TTC21A: variants seen among roughly 807,000 people sequenced by gnomAD.
TTC21A encodes tetratricopeptide repeat domain 21A, also known as tetratricopeptide repeat protein 21A.
A neutral mutation model predicts 156.4 loss-of-function variants in TTC21A; 128 were observed. That is an observed-to-expected ratio of 0.82 (90% CI 0.71 to 0.95). The LOEUF is 0.95. TTC21A is among the 40% of genes least tolerant of loss of function. The pLI is 0.00. For synonymous variants in TTC21A, 587 were observed against 617.1 expected, an observed-to-expected ratio of 0.95 and a Z score of 0.72; for missense variants, 1,435 against 1,602.3, an observed-to-expected ratio of 0.90 and a Z score of 1.78.
Position 39,126,599 on chromosome 3 carries a change from CACAT to C in TTC21A, c.1522+210_1522+213del, listed in dbSNP as rs1306711709. Reference sequence around the variant, plus strand: ...CTGGGGTACTACACACACACACACACACATGCATGCTCCTTGCCTGGTGTACTAC... The same window carrying C: ...CTGGGGTACTACACACACACACACACGCATGCTCCTTGCCTGGTGTACTAC... On this transcript the variant is annotated intron_variant, in intron 12 of 28. Transcript: ENST00000683103. Among the ~76,000 whole-genome samples the C allele has an allele frequency of 1.6e-3, 229 of 147,328 alleles. 2 individuals are homozygous for C. The highest frequency in any genetic ancestry group is 4.2e-3 in the African/African-American group (166 of 39,600).
intron 6 of TTC21A, among the ~76,000 whole-genome samples, chr3:39,117,551 T>C (rs970255385): frequency 1.3e-5 from 2 of 152,206 alleles, no homozygotes; most frequent in African/African-American, 4.8e-5. Flanking sequence ...TCTGGCACCA[T>C]GGTCATGTCT....
In TTC21A at chr3:39,137,570, C is replaced by T. The variant is rs368677545; in HGVS notation, c.3535C>T (p.Arg1179Cys). 47 of 1,614,124 alleles carry T rather than the reference C, an allele frequency of 2.9e-5. No individual in the cohort carries two copies. Among genetic ancestry groups the T allele is most frequent in the East Asian group, 4.5e-5 (2 of 44,892 alleles). ...QIPKARMQLK[R>C]LAKTPWVLSE... The stretch of plus-strand genomic sequence containing the variant: ...CCCCAAGGCGCGTATGCAGTTGAAG[C>T]GCCTGGCCAAGACCCCCTGGGTGCT... The change falls in exon 26 of 29, where the codon CGC (arginine) becomes TGC (cysteine). Residue 1179 changes from arginine to cysteine, a missense_variant. Physicochemically the swap from Arg to Cys is radical, Grantham distance 180. Coordinates refer to ENST00000683103, the MANE Select transcript of TTC21A (RefSeq NM_001366900.1).
rs2038661346 is a variant in TTC21A, at chr3:39,130,695, A to G, written c.2320-6A>G. The G allele has an allele frequency of 1.1e-5, 17 of 1,614,062 alleles. No individual in the cohort carries two copies. Among genetic ancestry groups the G allele is most frequent in the Admixed American group, 1.7e-5 (1 of 59,994 alleles). On this transcript the variant is annotated splice_polypyrimidine_tract_variant and splice_region_variant and intron_variant, in intron 17 of 28. Coordinates refer to ENST00000683103, the MANE Select transcript of TTC21A (RefSeq NM_001366900.1). This position sits in a 1 kb window ranked among gnomAD's most constrained non-coding sequence, Gnocchi z 4.5. ...CCAGAGGCTAATATTTACTGTTTGC[A>G]CTAAGGCAATTGAGTATTATGAGGC...
rs1174641443 is a variant in TTC21A, at chr3:39,130,549, G to T, written c.2320-152G>T. 2.7e-6 allele frequency: 3 copies of T among 1,094,720 alleles called. No homozygotes were observed. Among genetic ancestry groups the T allele is most frequent in the African/African-American group, 3.1e-5 (2 of 63,850 alleles). The allele number at this position is 1,094,720 out of a possible 1,614,324, so 67.8% of individuals were successfully genotyped here. A position where few individuals can be genotyped will look rare whatever the true frequency, so the allele number is the denominator to read the frequency against. Reference sequence around the variant, plus strand: ...CTGACCACACCTGCTTAAGCTGAGGGTTACACCCTGTGCCAGCTGGGAGGA... The same window carrying T: ...CTGACCACACCTGCTTAAGCTGAGGTTTACACCCTGTGCCAGCTGGGAGGA... On this transcript the variant is annotated intron_variant, in intron 17 of 28. Transcript: ENST00000683103. This position sits in a 1 kb window ranked among gnomAD's most constrained non-coding sequence, Gnocchi z 4.5.
At chr3:39,136,002 G>A (rs542835265) in intron 22 of TTC21A, among the ~76,000 whole-genome samples, 1 of 151,212 alleles carries the variant, frequency 6.6e-6, no homozygotes, top group East Asian at 1.9e-4. Flanking sequence ...AGCTTGCAGT[G>A]AGCCGAGATC....
rs1261976649 is a variant in TTC21A at position 39,128,932 on chromosome 3, A to G, written c.1896A>G (p.Leu632=). ...AGGCCCTCCGGCTGAATGGGGAGCT[A>G]GTAAGAAATGCCGTGCTCTCTTCCC... ...LVEALRLNGE[L]HEATKVMQDT... The change falls in exon 14 of 29, where the codon CTA becomes CTG. Residue 632 remains leucine (L), a splice_region_variant and synonymous_variant. Coordinates refer to ENST00000683103, the MANE Select transcript of TTC21A (RefSeq NM_001366900.1). 6.2e-7 allele frequency: 1 copy of G among 1,614,020 alleles called. No individual in the cohort carries two copies. The highest frequency in any genetic ancestry group is 1.3e-5 in the African/African-American group (1 of 74,924).
Position 39,109,197 on chromosome 3 carries a change from A to G in TTC21A, c.140A>G (p.Tyr47Cys), listed in dbSNP as rs375166217. 1.1e-5 allele frequency: 18 copies of G among 1,613,732 alleles called. No homozygotes were observed. The highest frequency in any genetic ancestry group is 1.3e-5 in the African/African-American group (1 of 74,932). ...CCTGTGTTGAAGTTCTTTAAAGCCT[A>G]TGGAGTCCTCAAAGAAGGTAAGGAC... is the stretch of plus-strand genomic sequence containing the variant. ...NDPVLKFFKA[Y>C]GVLKEEHIQD... Residue 47 changes from tyrosine (Y) to cysteine (C), a missense_variant, in exon 2 of 29, where the codon TAT (tyrosine) becomes TGT (cysteine). Tyr to Cys is a radical substitution (Grantham distance 194). Coordinates refer to ENST00000683103, the MANE Select transcript of TTC21A (RefSeq NM_001366900.1).
In TTC21A at chr3:39,133,089, C is replaced by G; in HGVS notation, c.2600C>G (p.Pro867Arg). The G allele has an allele frequency of 6.2e-7, 1 of 1,614,246 alleles. No homozygotes were observed. Among genetic ancestry groups the G allele is most frequent in the South Asian group, 1.1e-5 (1 of 91,086 alleles). The change falls in exon 20 of 29, where the codon CCA becomes CGA. Residue 867 changes from proline (P) to arginine (R), a missense_variant. Transcript: ENST00000683103. ...DLQSRILKRV[P>R]LEQPEMIPSQ... is the part of the protein sequence containing the mutation. The stretch of plus-strand genomic sequence containing the variant: ...CAGTCTCGGATACTGAAGCGAGTTC[C>G]ACTGGAGCAACCAGAAATGATTCCC...
Position 39,107,704 on chromosome 3 carries a change from G to GA in TTC21A, c.-134_-133insA. 1 of 1,379,914 alleles carries GA rather than the reference G, an allele frequency of 7.2e-7. No homozygotes were observed. Among genetic ancestry groups the GA allele is most frequent in the Non-Finnish European group, 1.0e-6 (1 of 986,418 alleles). The allele number at this position is 1,379,914 out of a possible 1,614,324, so 85.5% of individuals were successfully genotyped here. A position where few individuals can be genotyped will look rare whatever the true frequency, so the allele number is the denominator to read the frequency against. ...CAGACACTGGACGCTCCTAGCAACC[G>GA]GCTAGCAGCTCGGTTTCCAAGGACT... On this transcript the variant is annotated 5_prime_UTR_variant, in exon 1 of 29. Transcript: ENST00000683103.
chr3:39,130,282 A>G lies in TTC21A; in HGVS notation c.2243A>G (p.Tyr748Cys). 3 of 1,614,034 alleles carry G rather than the reference A, an allele frequency of 1.9e-6. No homozygotes were observed. The highest frequency in any genetic ancestry group is 1.7e-6 in the Non-Finnish European group (2 of 1,179,946). Residue 748 changes from tyrosine to cysteine, a missense_variant, in exon 17 of 29, where the codon TAT (tyrosine) becomes TGT (cysteine). Transcript: ENST00000683103. This position sits in a 1 kb window ranked among gnomAD's most constrained non-coding sequence, Gnocchi z 4.5. Reference sequence around the variant, plus strand: ...GCCCTGGAGGTCTATGATGAGGCCTATAGACAGAACCCACATGACGCCTCC... The same window carrying G: ...GCCCTGGAGGTCTATGATGAGGCCTGTAGACAGAACCCACATGACGCCTCC... ...EKALEVYDEA[Y>C]RQNPHDASLA...
chr3:39,125,721 C>G lies in TTC21A; in HGVS notation c.1392+189C>G, dbSNP rs1380499731. On this transcript the variant is annotated intron_variant, in intron 11 of 28. Transcript: ENST00000683103. ...CACACAGGTCACCTGGGAGGTTGTT[C>G]CAGTACAGATTCTGACTCTACAGGG... Among the ~76,000 whole-genome samples the G allele has an allele frequency of 2.0e-5, 3 of 152,190 alleles. No homozygotes were observed. The East Asian group carries it at 5.8e-4, about 29-fold the overall frequency.
At chr3:39,135,951 G>A (rs1037736988) in intron 22 of TTC21A, among the ~76,000 whole-genome samples, 3 of 151,974 alleles carry the variant, frequency 2.0e-5, no homozygotes, top group African/African-American at 7.2e-5. Flanking sequence ...GCTACTCGGG[G>A]GTGGGCTGAG....
intron 3 of TTC21A, 22 bp downstream of exon 3, chr3:39,110,161 C>A: frequency 6.4e-7 from 1 of 1,569,826 alleles, no homozygotes; most frequent in South Asian, 1.1e-5. Context: ...CATGCTCAAC[C>A]AGGCCTGACC....
rs140805783 is a variant in TTC21A at position 39,126,373 on chromosome 3, A to T, written c.1505A>T (p.Gln502Leu). 541 of 1,613,602 alleles carry T rather than the reference A, an allele frequency of 3.4e-4. 3 individuals are homozygous for T. In the African/African-American group the frequency reaches 5.7e-3, roughly 17 times the overall value. ...ATCGACCCCCTGTATTTGATGGCTCAGGTCAGGTATTACTCAGGTGAGCGG... is the reference window on the plus strand; with the variant it reads ...ATCGACCCCCTGTATTTGATGGCTCTGGTCAGGTATTACTCAGGTGAGCGG... ...ALIDPLYLMA[Q>L]VRYYSGELEN... Residue 502 changes from glutamine to leucine, a missense_variant, in exon 12 of 29, where the codon CAG becomes CTG. Physicochemically the swap from Gln to Leu is moderately radical, Grantham distance 113 (BLOSUM62 -2). Transcript: ENST00000683103.
chr3:39,117,178 G>A (rs2037365230), intron 6 of TTC21A, among the ~76,000 whole-genome samples: 11 of 152,188 alleles, frequency 7.2e-5, no homozygotes, highest in Admixed American at 7.2e-4. Context: ...TCTAATATCT[G>A]TTTGATTCTT....
chr3:39,108,303 C>G (rs1465362131), intron 1 of TTC21A: 1 of 181,740 alleles, frequency 5.5e-6, no homozygotes. Context: ...TTTTTATCTT[C>G]TAGCCCAGAA....
intron 19 of TTC21A, among the ~76,000 whole-genome samples, chr3:39,131,822 G>A (rs2038751067): frequency 6.6e-6 from 1 of 152,132 alleles, no homozygotes; most frequent in Non-Finnish European, 1.5e-5. Flanking sequence ...TCATCCATGT[G>A]TAGTTTAATC....
chr3:39,123,231 A>G (rs1310432935), intron 9 of TTC21A, among the ~76,000 whole-genome samples: 1 of 152,234 alleles, frequency 6.6e-6, no homozygotes, highest in East Asian at 1.9e-4. Flanking sequence ...AAATGGGCCT[A>G]ATAGTGGGAT....
intron 7 of TTC21A, 181 bp downstream of exon 7, chr3:39,118,334 T>C (rs916962564): frequency 1.6e-6 from 1 of 629,968 alleles, no homozygotes; most frequent in Admixed American, 2.7e-5. Flanking sequence ...CTTTGAGTTG[T>C]GTAGCTTGGG....
Sources: allele counts gnomAD v4.1 joint callset (sites outside exome capture counted in the v4.1 genomes callset), GRCh38; gene constraint gnomAD v4.1.1; non-coding constraint Gnocchi (gnomAD v3.1); transcripts MANE v1.5; gene names NCBI Gene and HGNC (gene_info 2026-07-23, HGNC 2026-07-21).